The following DACH2 variants were observed in gnomAD, a reference collection of about 807,000 sequenced individuals.
DACH2 encodes the protein dachshund family transcription factor 2.
A neutral mutation model predicts 35.8 loss-of-function variants in DACH2; 17 were observed. The observed-to-expected ratio is 0.48, with a 90% CI of 0.33 to 0.71. The LOEUF (loss-of-function observed/expected upper bound fraction) is 0.71, where lower values mean the gene tolerates loss of function less well. Among genes scored for constraint, DACH2 ranks in the 30% least tolerant of loss-of-function variants. The pLI is 0.02. For synonymous variants in DACH2, 195 were observed against 177.3 expected, an observed-to-expected ratio of 1.10 and a Z score of -0.79; for missense variants, 469 against 472.7, an observed-to-expected ratio of 0.99 and a Z score of 0.07.
chrX:86,729,211 G>T (rs1052710679), intron 6 of DACH2, among the ~76,000 whole-genome samples: 8 of 112,073 alleles, frequency 7.1e-5, no homozygotes, highest in African/African-American at 2.6e-4. Context: ...TTGGGACATG[G>T]AGTCAAAGGA....
At chrX:86,708,208 C>A (rs2041240967) in intron 5 of DACH2, among the ~76,000 whole-genome samples, 2 of 110,386 alleles carry the variant, frequency 1.8e-5, no homozygotes, top group South Asian at 3.9e-4. Flanking sequence ...AAACTAGATG[C>A]TTTTCCCCTA....
At chrX:86,471,620 TC>T (rs745697787) in intron 2 of DACH2, among the ~76,000 whole-genome samples, 1 of 111,358 alleles carries the variant, frequency 9.0e-6, no homozygotes, top group South Asian at 3.8e-4. Flanking sequence ...GCAGTGTTTT[TC>T]CTGAAATAGA....
chrX:86,461,916 C>T (rs1243209714), intron 2 of DACH2, among the ~76,000 whole-genome samples: 1 of 111,169 alleles, frequency 9.0e-6, no homozygotes, highest in Non-Finnish European at 1.9e-5. Flanking sequence ...GTGTCTTATT[C>T]ATTGGGTATA....
chrX:86,679,616 C>CTCTGTGTGTGTG (rs1391639741), intron 4 of DACH2, among the ~76,000 whole-genome samples: 1 of 96,284 alleles, frequency 1.0e-5, no homozygotes, highest in African/African-American at 3.8e-5. Flanking sequence ...CTCTCTGTCT[C>CTCTGTGTGTGTG]TGTGTGTGTG....
intron 3 of DACH2, among the ~76,000 whole-genome samples, chrX:86,541,672 G>A (rs1322142438): frequency 9.0e-6 from 1 of 111,229 alleles, no homozygotes; most frequent in East Asian, 2.8e-4. Flanking sequence ...ATTATATTTA[G>A]GAGGAAAAAA....
chrX:86,610,320 TCC>T (rs1334858330), intron 3 of DACH2, among the ~76,000 whole-genome samples: 1 of 110,680 alleles, frequency 9.0e-6, no homozygotes, highest in African/African-American at 3.3e-5. Context: ...TCTTTCTTTC[TCC>T]TTCCTTCCTT....
intron 6 of DACH2, among the ~76,000 whole-genome samples, chrX:86,732,250 G>A (rs1419667335): frequency 1.8e-5 from 2 of 112,016 alleles, no homozygotes; most frequent in Non-Finnish European, 3.8e-5. Flanking sequence ...AGAAAGGACA[G>A]CTACTATTGA....
At chrX:86,790,725 A>G (rs1031228424) in intron 7 of DACH2, among the ~76,000 whole-genome samples, 8 of 110,933 alleles carry the variant, frequency 7.2e-5, no homozygotes, top group African/African-American at 2.3e-4. Context: ...TAAAAAATGT[A>G]GAGACAGGGT....
In DACH2 at chrX:86,625,301, A is replaced by T. The variant is rs1315330866; in HGVS notation, c.641-25735A>T. Among the ~76,000 whole-genome samples the T allele has an allele frequency of 5.7e-5, 6 of 104,797 alleles. No homozygotes were observed. In the Admixed American group the frequency reaches 6.4e-4, roughly 11 times the overall value. 91.0% of individuals were successfully genotyped at this position (104,797 alleles called of 115,157 possible). A position where few individuals can be genotyped will look rare whatever the true frequency, so the allele number is the denominator to read the frequency against. ...TTTCCTCTATTAATAACCTGGCATA[A>T]ATTATTTAATGGAGAAGTATTTTTC... On this transcript the variant is annotated intron_variant, in intron 3 of 11. Coordinates refer to ENST00000373125, the MANE Select transcript of DACH2 (RefSeq NM_053281.3).
intron 5 of DACH2, among the ~76,000 whole-genome samples, chrX:86,713,000 G>A (rs956794845): frequency 9.0e-6 from 1 of 111,381 alleles, no homozygotes; most frequent in Admixed American, 9.5e-5. Flanking sequence ...GGTGGATAAT[G>A]TTTTCTTTAT....
intron 6 of DACH2, among the ~76,000 whole-genome samples, chrX:86,736,743 T>C (rs1222353055): frequency 9.0e-6 from 1 of 111,502 alleles, no homozygotes; most frequent in Non-Finnish European, 1.9e-5. Context: ...CAGCATACAT[T>C]GCTGTATATG....
chrX:86,636,304 C>T lies in DACH2; in HGVS notation c.641-14732C>T, dbSNP rs557318868. ...TCTACTAAAAATACCAAAAATGAGC[C>T]GGGCGTAGTGACGGGTGCCTGTAAT... On this transcript the variant is annotated intron_variant, in intron 3 of 11. Transcript: ENST00000373125. Among the ~76,000 whole-genome samples, 11 of 110,482 alleles carry T rather than the reference C, an allele frequency of 1.0e-4. No individual in the cohort carries two copies. In the South Asian group the frequency reaches 2.3e-3, roughly 24 times the overall value.
At chrX:86,473,164 C>G (rs1241513470) in intron 2 of DACH2, among the ~76,000 whole-genome samples, 3 of 110,703 alleles carry the variant, frequency 2.7e-5, no homozygotes, top group Admixed American at 9.6e-5. Flanking sequence ...TTAAAATAAG[C>G]TAATTATATT....
Position 86,603,530 on chromosome X carries a change from A to G in DACH2, c.641-47506A>G, listed in dbSNP as rs768320695. On this transcript the variant is annotated intron_variant, in intron 3 of 11. Transcript: ENST00000373125. ...ATCTAAATCATCTATGGATGAGACT[A>G]TGGTTATGATTCATGTTGAGGCAAA... Among the ~76,000 whole-genome samples, 154 of 111,322 alleles carry G rather than the reference A, an allele frequency of 1.4e-3. 1 individual carries two copies. Among genetic ancestry groups the G allele is most frequent in the Non-Finnish European group, 1.7e-3 (91 of 52,962 alleles).
chrX:86,370,694 G>A (rs2035874550), intron 1 of DACH2, among the ~76,000 whole-genome samples: 1 of 111,373 alleles, frequency 9.0e-6, no homozygotes, highest in East Asian at 2.8e-4. Context: ...AATTTATGAA[G>A]GTTTTGAGGA....
chrX:86,299,961 G>A (rs1602378191), intron 1 of DACH2, among the ~76,000 whole-genome samples: 1 of 111,444 alleles, frequency 9.0e-6, no homozygotes, highest in Non-Finnish European at 1.9e-5. Context: ...GATAACTTTT[G>A]TTACATGCAT....
chrX:86,258,770 G>T (rs2033571557), intron 1 of DACH2, among the ~76,000 whole-genome samples: 1 of 111,341 alleles, frequency 9.0e-6, no homozygotes, highest in Non-Finnish European at 1.9e-5. Flanking sequence ...TGTTCTTTAG[G>T]AATGAAATAA....
At chrX:86,345,365 C>T (rs1387034031) in intron 1 of DACH2, 1 of 274,400 alleles carries the variant, frequency 3.6e-6, no homozygotes, top group East Asian at 1.2e-4. Context: ...AAGACCTCTC[C>T]ATCAATAGAT....
At chrX:86,607,503 T>C (rs1315125674) in intron 3 of DACH2, among the ~76,000 whole-genome samples, 1 of 111,720 alleles carries the variant, frequency 9.0e-6, no homozygotes, top group African/African-American at 3.2e-5. Context: ...ATCTTAACTT[T>C]GTTTCCCCAG....
Sources: allele counts gnomAD v4.1 joint callset (sites outside exome capture counted in the v4.1 genomes callset), GRCh38; gene constraint gnomAD v4.1.1; transcripts MANE v1.5; gene names NCBI Gene and HGNC (gene_info 2026-07-23, HGNC 2026-07-21).